The following ABR variants were observed in gnomAD, a reference collection of about 807,000 sequenced individuals.
ABR encodes the protein active breakpoint cluster region-related protein.
In ABR, 35 loss-of-function variants were observed where a neutral mutation model predicts 107.2. That is an observed-to-expected ratio of 0.33 (90% CI 0.25 to 0.43). The LOEUF (loss-of-function observed/expected upper bound fraction) is 0.43, where lower values mean the gene tolerates loss of function less well. ABR is among the 20% of genes least tolerant of loss of function. The probability of loss-of-function intolerance (pLI) is 1.00; values close to 1 mark genes in which losing one functional copy is unlikely to be tolerated. For missense variants in ABR, 815 were observed against 1,115.2 expected (o/e 0.73, Z 3.83); for synonymous variants, 498 against 462.0 (o/e 1.08, Z -1.00).
At chr17:1,153,079 A>AT (rs540801608) in intron 1 of ABR, among the ~76,000 whole-genome samples, 345 of 151,958 alleles carry the variant, frequency 2.3e-3, no homozygotes, top group African/African-American at 7.9e-3. Context: ...TTAAAAAAAA[A>AT]ATTTTTGACA....
rs2040670852 is a variant in ABR at position 1,148,887 on chromosome 17, C to CTTTTGTTTTTTGTTTTTGT, written c.62-23539_62-23521dup. Among the ~76,000 whole-genome samples, 1 of 152,000 alleles carries CTTTTGTTTTTTGTTTTTGT rather than the reference C, an allele frequency of 6.6e-6. No homozygotes were observed. Among genetic ancestry groups the CTTTTGTTTTTTGTTTTTGT allele is most frequent in the East Asian group, 1.9e-4 (1 of 5,176 alleles). On this transcript the variant is annotated intron_variant, in intron 1 of 22. Coordinates refer to ENST00000302538, the MANE Select transcript of ABR (RefSeq NM_021962.5). The surrounding 1 kb of genome is among the most constrained non-coding windows in gnomAD (Gnocchi z 4.9). ...GGCATGTGTATTTTGCCATGATTTT[C>CTTTTGTTTTTTGTTTTTGT]TTTTGTTTTTTGTTTTTGTTTTTGT...
intron 16 of ABR, among the ~76,000 whole-genome samples, chr17:1,015,965 G>A (rs1211679519): frequency 6.6e-6 from 1 of 152,178 alleles, no homozygotes; most frequent in East Asian, 1.9e-4. Context: ...CCCAGCCACA[G>A]GACCACTTGA....
At chr17:1,095,939 C>T (rs541101941) in intron 3 of ABR, among the ~76,000 whole-genome samples, 3 of 152,312 alleles carry the variant, frequency 2.0e-5, no homozygotes, top group Non-Finnish European at 2.9e-5. Context: ...TGCGATGCAG[C>T]GTGGCCAGGA....
chr17:1,020,381 C>G (rs907995520), intron 16 of ABR, among the ~76,000 whole-genome samples: 2 of 150,380 alleles, frequency 1.3e-5, no homozygotes, highest in Non-Finnish European at 2.9e-5. Flanking sequence ...CTGCATCCGG[C>G]CGACTGTTTT....
intron 1 of ABR, among the ~76,000 whole-genome samples, chr17:1,209,048 T>C (rs989102399): frequency 6.6e-6 from 1 of 152,198 alleles, no homozygotes; most frequent in East Asian, 1.9e-4. Context: ...AATTTTGAAC[T>C]CTTTCCCTTG....
chr17:1,073,769 C>T (rs1380795504), intron 6 of ABR, 92 bp from the exon 7 acceptor site: 5 of 1,196,460 alleles, frequency 4.2e-6, no homozygotes, highest in Non-Finnish European at 5.9e-6. Flanking sequence ...CACCCGCATG[C>T]TTCCCACGTG....
chr17:1,171,173 TGAG>T (rs938068345), intron 1 of ABR, among the ~76,000 whole-genome samples: 1 of 152,176 alleles, frequency 6.6e-6, no homozygotes, highest in African/African-American at 2.4e-5. Flanking sequence ...ATTGCGGCTG[TGAG>T]GAGTAGATGT....
chr17:1,144,223 G>A (rs1026887923), intron 1 of ABR, among the ~76,000 whole-genome samples: 4 of 152,160 alleles, frequency 2.6e-5, no homozygotes, highest in African/African-American at 9.7e-5. Context: ...TTGCAGACGG[G>A]CCGTATAACC....
At chr17:1,166,419 G>A (rs978935957) in intron 1 of ABR, among the ~76,000 whole-genome samples, 4 of 152,148 alleles carry the variant, frequency 2.6e-5, no homozygotes, top group Admixed American at 2.0e-4. Context: ...AACAGCACGT[G>A]CAAAAGGCAC....
rs368097102 is a variant in ABR at position 1,093,687 on chromosome 17, C to G, written c.346-1837G>C. ...ACACCAAAGCCAGCGCCAGCTCCCTCTGAACGACGACCACCAGCTCCAGCC... is the reference window on the plus strand; with the variant it reads ...ACACCAAAGCCAGCGCCAGCTCCCTGTGAACGACGACCACCAGCTCCAGCC... On this transcript the variant is annotated intron_variant, in intron 3 of 22. Transcript: ENST00000302538. Among the ~76,000 whole-genome samples the G allele has an allele frequency of 7.2e-5, 11 of 152,048 alleles. No individual in the cohort carries two copies. In the East Asian group the frequency reaches 1.7e-3, roughly 24 times the overall value.
intron 1 of ABR, among the ~76,000 whole-genome samples, chr17:1,225,154 AAAAAAAAAAG>A (rs2043191096): frequency 2.1e-5 from 3 of 144,802 alleles, no homozygotes; most frequent in Admixed American, 6.7e-5. Context: ...ATCTCAAAAA[AAAAAAAAAAG>A]AAAAGAAAAG....
chr17:1,114,114 G>C (rs374241803), intron 2 of ABR, among the ~76,000 whole-genome samples: 2 of 147,026 alleles, frequency 1.4e-5, no homozygotes, highest in East Asian at 4.1e-4. Flanking sequence ...AGGCTGCAAT[G>C]AACTGTGTTT....
chr17:1,214,347 A>ATG (rs1340767374), intron 1 of ABR, among the ~76,000 whole-genome samples: 2 of 151,506 alleles, frequency 1.3e-5, no homozygotes, highest in Admixed American at 1.3e-4. Context: ...GTGTATATAT[A>ATG]TATATTTCCT....
intron 5 of ABR, among the ~76,000 whole-genome samples, chr17:1,081,351 A>C (rs949458068): frequency 1.3e-5 from 2 of 152,194 alleles, no homozygotes; most frequent in Non-Finnish European, 2.9e-5. Context: ...CTGGGATTAC[A>C]GGCGTGAGCC....
intron 1 of ABR, among the ~76,000 whole-genome samples, chr17:1,168,947 G>T (rs1165285209): frequency 1.3e-5 from 2 of 152,240 alleles, no homozygotes; most frequent in African/African-American, 4.8e-5. Context: ...CTGCCACGGG[G>T]TCTGCAAGAC....
At chr17:1,206,005 A>G (rs974644009) in intron 1 of ABR, among the ~76,000 whole-genome samples, 1 of 151,510 alleles carries the variant, frequency 6.6e-6, no homozygotes, top group South Asian at 2.1e-4. Flanking sequence ...AGTCCCAGCT[A>G]CTTGGGAGGC....
At chr17:1,024,603 T>A (rs561100050) in intron 16 of ABR, among the ~76,000 whole-genome samples, 1 of 151,796 alleles carries the variant, frequency 6.6e-6, no homozygotes, top group Non-Finnish European at 1.5e-5. Context: ...CTGCGCAACA[T>A]AACGAAACCT....
At chr17:1,213,375 G>A (rs879862107) in intron 1 of ABR, among the ~76,000 whole-genome samples, 8 of 152,098 alleles carry the variant, frequency 5.3e-5, no homozygotes, top group Non-Finnish European at 1.0e-4. Context: ...GTGAATTAAG[G>A]CTGCAGAGCT....
At chr17:1,159,470 TGCA>T in intron 1 of ABR, among the ~76,000 whole-genome samples, 1 of 60,216 alleles carries the variant, frequency 1.7e-5, no homozygotes, top group Non-Finnish European at 3.1e-5. Flanking sequence ...GAAGTAAGAA[TGCA>T]GTACTCACGC....
Sources: gnomAD v4.1 joint callset for allele counts (sites outside exome capture counted in the v4.1 genomes callset) on GRCh38, gnomAD v4.1.1 for gene constraint, Gnocchi (gnomAD v3.1) non-coding constraint, MANE v1.5 for transcripts, NCBI Gene and HGNC (gene_info 2026-07-23, HGNC 2026-07-21) for gene names.